Variants in ATXN1 observed in about 807,000 individuals in gnomAD.
ATXN1 encodes the protein ataxin 1, also known as ataxin-1.
In ATXN1, 8 loss-of-function variants were observed where a neutral mutation model predicts 56.4. The ratio of observed to expected loss-of-function variants is 0.14; its 90% CI spans 0.08 to 0.26. The LOEUF (loss-of-function observed/expected upper bound fraction) is 0.26. Ranked by LOEUF, ATXN1 falls within the 10% of genes least tolerant of loss-of-function variation. The pLI is 1.00. For missense variants in ATXN1, 987 were observed against 1,106.5 expected (o/e 0.89, Z 1.53); for synonymous variants, 514 against 494.6 (o/e 1.04, Z -0.52).
intron 4 of ATXN1, among the ~76,000 whole-genome samples, chr6:16,554,149 G>A (rs1761970123): frequency 6.6e-6 from 1 of 152,140 alleles, no homozygotes; most frequent in Admixed American, 6.5e-5. Context: ...TGATGTAATC[G>A]AGGGACAAAA....
chr6:16,545,196 TTTC>T (rs1456488025), intron 4 of ATXN1, among the ~76,000 whole-genome samples: 1 of 152,204 alleles, frequency 6.6e-6, no homozygotes, highest in African/African-American at 2.4e-5. Flanking sequence ...CAGCTTTAAC[TTTC>T]TTATTACCCC....
intron 6 of ATXN1, among the ~76,000 whole-genome samples, chr6:16,398,905 T>C (rs911246941): frequency 3.0e-4 from 45 of 152,334 alleles, no homozygotes; most frequent in South Asian, 2.3e-3. Context: ...TAGGTTTTCT[T>C]TGGCTTTCAG....
chr6:16,634,823 G>C (rs1290574186), intron 3 of ATXN1, among the ~76,000 whole-genome samples: 5 of 152,112 alleles, frequency 3.3e-5, no homozygotes, highest in African/African-American at 4.8e-5. Context: ...CATATTTCAT[G>C]AGTGCAGAGT....
chr6:16,535,949 G>A (rs931200925), intron 4 of ATXN1, among the ~76,000 whole-genome samples: 8 of 152,052 alleles, frequency 5.3e-5, no homozygotes, highest in African/African-American at 1.4e-4. Context: ...GTTGGCTCAC[G>A]CCTGTAATCC....
At chr6:16,703,319 C>T (rs1759329403) in intron 2 of ATXN1, among the ~76,000 whole-genome samples, 1 of 152,034 alleles carries the variant, frequency 6.6e-6, no homozygotes, top group Non-Finnish European at 1.5e-5. Context: ...CACCACACCC[C>T]AGGGCCTGTT....
At chr6:16,355,505 G>T (rs188924654) in intron 6 of ATXN1, among the ~76,000 whole-genome samples, 38 of 152,224 alleles carry the variant, frequency 2.5e-4, no homozygotes, top group Non-Finnish European at 4.9e-4. Context: ...GATAAGAAAG[G>T]GATGACATTT....
At chr6:16,443,097 G>A (rs1438356300) in intron 6 of ATXN1, among the ~76,000 whole-genome samples, 1 of 150,608 alleles carries the variant, frequency 6.6e-6, no homozygotes, top group Non-Finnish European at 1.5e-5. Flanking sequence ...CAGAAGGATT[G>A]CTTAAGCCTA....
At chr6:16,598,340 A>C (rs1161317183) in intron 3 of ATXN1, among the ~76,000 whole-genome samples, 1 of 152,182 alleles carries the variant, frequency 6.6e-6, no homozygotes, top group African/African-American at 2.4e-5. Flanking sequence ...TTGTTTAAAG[A>C]TGTTTTCTCT....
At chr6:16,363,734 C>T (rs552490858) in intron 6 of ATXN1, among the ~76,000 whole-genome samples, 31 of 152,266 alleles carry the variant, frequency 2.0e-4, no homozygotes, top group South Asian at 1.9e-3. Flanking sequence ...CAATCTATTA[C>T]GGATTTGTTT....
chr6:16,679,375 GAT>G (rs1334988842), intron 2 of ATXN1, among the ~76,000 whole-genome samples: 16 of 8,158 alleles, frequency 2.0e-3, no homozygotes, highest in Non-Finnish European at 4.1e-3. Flanking sequence ...TGGGTGGGTG[GAT>G]GGATGGATGG....
At chr6:16,474,521 T>C (rs1760286808) in intron 6 of ATXN1, among the ~76,000 whole-genome samples, 1 of 152,204 alleles carries the variant, frequency 6.6e-6, no homozygotes, top group Admixed American at 6.5e-5. Context: ...ACTAAAATAG[T>C]CCAGGTGACC....
chr6:16,641,922 T>C (rs1281002505), intron 3 of ATXN1, among the ~76,000 whole-genome samples: 1 of 152,160 alleles, frequency 6.6e-6, no homozygotes, highest in Non-Finnish European at 1.5e-5. Context: ...CCAACCCCCA[T>C]GGATGACTTG....
intron 6 of ATXN1, among the ~76,000 whole-genome samples, chr6:16,477,323 T>A (rs1029078973): frequency 6.6e-6 from 1 of 152,192 alleles, no homozygotes; most frequent in African/African-American, 2.4e-5. Flanking sequence ...CAAGGCCACT[T>A]TGGACAGGGA....
At chr6:16,723,603 CT>C (rs1003347519) in intron 2 of ATXN1, among the ~76,000 whole-genome samples, 2 of 152,116 alleles carry the variant, frequency 1.3e-5, no homozygotes, top group African/African-American at 4.8e-5. Context: ...GACAAATTCC[CT>C]GCATTCAACA....
intron 4 of ATXN1, among the ~76,000 whole-genome samples, chr6:16,568,001 T>C (rs1762260241): frequency 6.6e-6 from 1 of 152,202 alleles, no homozygotes; most frequent in African/African-American, 2.4e-5. Context: ...AAGAGAATTA[T>C]AAACGTCAGA....
intron 6 of ATXN1, among the ~76,000 whole-genome samples, chr6:16,425,061 A>G (rs1759121447): frequency 6.6e-6 from 1 of 152,232 alleles, no homozygotes; most frequent in Non-Finnish European, 1.5e-5. Context: ...AATCAGAGCA[A>G]TATTTGAGCT....
chr6:16,523,522 T>C lies in ATXN1; in HGVS notation c.-360-834A>G, dbSNP rs186563551. ...ACCACACCTGGATTAAAATGTTGTG[T>C]TTTTTCTTTATTTGCGGAGATGGAG... On this transcript the variant is annotated intron_variant, in intron 4 of 7. Coordinates refer to ENST00000436367, the MANE Select transcript of ATXN1 (RefSeq NM_001128164.2). Among the ~76,000 whole-genome samples the C allele has an allele frequency of 2.0e-3, 302 of 152,308 alleles. 1 individual carries two copies. Among genetic ancestry groups the C allele is most frequent in the African/African-American group, 6.6e-3 (275 of 41,550 alleles).
chr6:16,599,758 T>C (rs1395810614), intron 3 of ATXN1, among the ~76,000 whole-genome samples: 1 of 151,756 alleles, frequency 6.6e-6, no homozygotes, highest in East Asian at 1.9e-4. Flanking sequence ...AAGAGGGTTA[T>C]TTAAAAAATA....
chr6:16,412,952 G>A (rs1316135521), intron 6 of ATXN1, among the ~76,000 whole-genome samples: 1 of 152,192 alleles, frequency 6.6e-6, no homozygotes, highest in African/African-American at 2.4e-5. Flanking sequence ...GTGGATGAGG[G>A]CTGGCCACAG....
Sources: allele counts gnomAD v4.1 joint callset (sites outside exome capture counted in the v4.1 genomes callset), GRCh38; gene constraint gnomAD v4.1.1; transcripts MANE v1.5; gene names NCBI Gene and HGNC (gene_info 2026-07-23, HGNC 2026-07-21).